Variants in ZNF438 observed in about 807,000 individuals in gnomAD.
ZNF438 encodes zinc finger protein 438.
ZNF438 carries 25 observed loss-of-function variants against 38.0 expected under a neutral mutation model. The observed-to-expected ratio is 0.66, with a 90% CI of 0.48 to 0.92. The LOEUF (loss-of-function observed/expected upper bound fraction) is 0.92. Among genes scored for constraint, ZNF438 ranks in the 40% least tolerant of loss-of-function variants. The pLI is 0.00. For missense variants in ZNF438, 1,007 were observed against 999.6 expected, an observed-to-expected ratio of 1.01 and a Z score of -0.10; for synonymous variants, 372 against 364.1, an observed-to-expected ratio of 1.02 and a Z score of -0.25.
chr10:30,852,972 T>A (rs909927970), intron 4 of ZNF438, among the ~76,000 whole-genome samples: 2 of 152,212 alleles, frequency 1.3e-5, no homozygotes, highest in Non-Finnish European at 2.9e-5. Context: ...TCTCATCTTT[T>A]TTTTTTTGGA....
intron 2 of ZNF438, among the ~76,000 whole-genome samples, chr10:30,933,320 C>T (rs1339836774): frequency 1.3e-5 from 2 of 152,246 alleles, no homozygotes; most frequent in Non-Finnish European, 2.9e-5. Context: ...TAGCTGGTTA[C>T]TGCCACATGC....
intron 4 of ZNF438, among the ~76,000 whole-genome samples, chr10:30,856,296 C>T (rs2034614607): frequency 6.6e-6 from 1 of 152,160 alleles, no homozygotes; most frequent in African/African-American, 2.4e-5. Flanking sequence ...ACAAATTATT[C>T]CTCCAAACAT....
rs577790989 is a variant in ZNF438 at position 30,844,997 on chromosome 10, C to T, written c.2451G>A (p.Gln817=). ...CTTCACTGGAAAGTTCGATCACTCC[C>T]TGGTTGGAGACCGTATTTAAAATAG... The change falls in exon 6 of 6, where the codon CAG becomes CAA. Residue 817 remains glutamine, a synonymous_variant. Coordinates refer to ENST00000413025, the Ensembl canonical transcript of ZNF438. 4 of 1,614,170 alleles carry T rather than the reference C, an allele frequency of 2.5e-6. No individual in the cohort carries two copies. The South Asian group carries it at 4.4e-5, about 18-fold the overall frequency.
At chr10:30,861,924 G>A (rs1404866525) in intron 4 of ZNF438, among the ~76,000 whole-genome samples, 1 of 152,162 alleles carries the variant, frequency 6.6e-6, no homozygotes, top group Non-Finnish European at 1.5e-5. Flanking sequence ...AAGAGCTAAT[G>A]ACCTTCCAAG....
At chr10:30,949,945 T>A (rs2047961388) in intron 1 of ZNF438, among the ~76,000 whole-genome samples, 1 of 151,918 alleles carries the variant, frequency 6.6e-6, no homozygotes, top group African/African-American at 2.4e-5. Flanking sequence ...AGAATATACA[T>A]TTTTTTTCAG....
chr10:31,030,950 C>G (rs1045225008), intron 1 of ZNF438, among the ~76,000 whole-genome samples: 1 of 152,216 alleles, frequency 6.6e-6, no homozygotes, highest in Non-Finnish European at 1.5e-5. Flanking sequence ...CTAGTTCCAG[C>G]ACACTGAAAG....
chr10:30,987,332 A>C (rs1229024445), intron 1 of ZNF438, among the ~76,000 whole-genome samples: 1 of 151,904 alleles, frequency 6.6e-6, no homozygotes, highest in Non-Finnish European at 1.5e-5. Flanking sequence ...AAAAAAAAAA[A>C]AAACTAAAAT....
At chr10:30,957,970 T>C (rs990534335) in intron 1 of ZNF438, among the ~76,000 whole-genome samples, 1 of 147,000 alleles carries the variant, frequency 6.8e-6, no homozygotes, top group African/African-American at 2.4e-5. Flanking sequence ...TGGATATTTA[T>C]ATTTTTCTTG....
intron 1 of ZNF438, among the ~76,000 whole-genome samples, chr10:31,006,303 G>A (rs1435006538): frequency 6.6e-6 from 1 of 152,142 alleles, no homozygotes; most frequent in Non-Finnish European, 1.5e-5. Context: ...GGGTCTGAAA[G>A]TTAAGTTGAT....
intron 4 of ZNF438, among the ~76,000 whole-genome samples, chr10:30,865,046 A>G (rs946031490): frequency 6.6e-6 from 1 of 152,202 alleles, no homozygotes; most frequent in Admixed American, 6.5e-5. Context: ...TTCTCCCTCC[A>G]TTCCAACACG....
intron 4 of ZNF438, among the ~76,000 whole-genome samples, chr10:30,855,831 T>C (rs1216877925): frequency 6.6e-6 from 1 of 152,256 alleles, no homozygotes; most frequent in African/African-American, 2.4e-5. Context: ...ATATCCTTTA[T>C]ATGTGCAGAA....
intron 1 of ZNF438, among the ~76,000 whole-genome samples, chr10:31,012,175 T>G (rs930236876): frequency 6.6e-6 from 1 of 150,524 alleles, no homozygotes; most frequent in Non-Finnish European, 1.5e-5. Flanking sequence ...CAGGCTGGAG[T>G]GCAGTGGCAT....
intron 4 of ZNF438, among the ~76,000 whole-genome samples, chr10:30,854,309 A>G (rs1453640984): frequency 6.6e-6 from 1 of 152,196 alleles, no homozygotes; most frequent in East Asian, 1.9e-4. Context: ...GCGAGACTCC[A>G]TCTCAAAAAA....
intron 3 of ZNF438, among the ~76,000 whole-genome samples, chr10:30,895,133 A>G (rs536165961): frequency 1.3e-5 from 2 of 152,298 alleles, no homozygotes; most frequent in South Asian, 2.1e-4. Flanking sequence ...TTACTTGTGG[A>G]TACTCAAGGA....
chr10:30,870,364 CCTT>C (rs1229713414), intron 4 of ZNF438, among the ~76,000 whole-genome samples: 2 of 152,198 alleles, frequency 1.3e-5, no homozygotes, highest in African/African-American at 2.4e-5. Context: ...TGATGTCCTG[CCTT>C]CTTCTTTCAG....
intron 1 of ZNF438, among the ~76,000 whole-genome samples, chr10:30,949,989 T>C (rs953210572): frequency 3.9e-5 from 6 of 152,178 alleles, no homozygotes; most frequent in Non-Finnish European, 7.3e-5. Context: ...ATTGACCACA[T>C]ACTTGGTAGT....
intron 1 of ZNF438, among the ~76,000 whole-genome samples, chr10:30,967,312 C>A (rs142458370): frequency 6.6e-6 from 1 of 152,178 alleles, no homozygotes; most frequent in Non-Finnish European, 1.5e-5. Flanking sequence ...ATCTCCCCAA[C>A]GCTCAACTAC....
At chr10:30,903,146 G>A (rs911642966) in intron 3 of ZNF438, among the ~76,000 whole-genome samples, 6 of 152,132 alleles carry the variant, frequency 3.9e-5, no homozygotes, top group African/African-American at 1.2e-4. Context: ...GCCCACAAGC[G>A]CTGCATGCAG....
chr10:31,019,234 G>A (rs1264234339), intron 1 of ZNF438, among the ~76,000 whole-genome samples: 1 of 152,100 alleles, frequency 6.6e-6, no homozygotes, highest in East Asian at 1.9e-4. Flanking sequence ...AAAAACCAAA[G>A]TCCTCACAAT....
Sources: allele counts gnomAD v4.1 joint callset (sites outside exome capture counted in the v4.1 genomes callset), GRCh38; gene constraint gnomAD v4.1.1; transcripts MANE v1.5; gene names NCBI Gene and HGNC (gene_info 2026-07-23, HGNC 2026-07-21).